The following SDK1 variants were observed in gnomAD, a reference collection of about 807,000 sequenced individuals.
SDK1 encodes the protein protein sidekick-1.
Under a neutral mutation model 245.5 loss-of-function variants are expected in SDK1, and 157 were observed. The observed-to-expected ratio is 0.64, with a 90% CI of 0.56 to 0.73. The LOEUF (loss-of-function observed/expected upper bound fraction) is 0.73. SDK1 is among the 30% of genes least tolerant of loss of function. SDK1 has a pLI of 0.00. For missense variants in SDK1, 3,583 were observed against 3,002.3 expected (o/e 1.19, Z -4.52); for synonymous variants, 1,647 against 1,278.5 (o/e 1.29, Z -6.15).
At chr7:3,491,906 C>G (rs947242393) in intron 1 of SDK1, among the ~76,000 whole-genome samples, 1 of 152,108 alleles carries the variant, frequency 6.6e-6, no homozygotes, top group Non-Finnish European at 1.5e-5. Context: ...ACATTGGTAA[C>G]AGTATATTGA....
At chr7:4,175,624 G>T in intron 33 of SDK1, 151 bp from the exon 34 acceptor site, 2 of 715,984 alleles carry the variant, frequency 2.8e-6, no homozygotes, top group South Asian at 1.6e-5. Context: ...AGCTTGGGCG[G>T]TAGCGGGGTC....
chr7:4,178,358 T>C, intron 34 of SDK1, 127 bp from the exon 35 acceptor site: 1 of 731,234 alleles, frequency 1.4e-6, no homozygotes, highest in Non-Finnish European at 2.4e-6. Flanking sequence ...ATTTCACAGA[T>C]TTCTAACAAT....
chr7:4,015,808 C>T (rs769488286), intron 16 of SDK1, among the ~76,000 whole-genome samples: 1 of 152,210 alleles, frequency 6.6e-6, no homozygotes, highest in Non-Finnish European at 1.5e-5. Flanking sequence ...AGGCCCGGTA[C>T]CTTCTTGCTA....
chr7:3,806,195 A>T (rs563222331), intron 4 of SDK1, among the ~76,000 whole-genome samples: 7 of 152,334 alleles, frequency 4.6e-5, no homozygotes, highest in African/African-American at 1.7e-4. Context: ...ACTCACCCAA[A>T]TAATCCAAGA....
At chr7:3,330,228 C>T (rs1035150894) in intron 1 of SDK1, among the ~76,000 whole-genome samples, 1 of 152,178 alleles carries the variant, frequency 6.6e-6, no homozygotes, top group Non-Finnish European at 1.5e-5. Context: ...ATTGCTGGGT[C>T]ATATAGTAAC....
chr7:3,916,720 A>G (rs768432823), intron 5 of SDK1, among the ~76,000 whole-genome samples: 36 of 152,192 alleles, frequency 2.4e-4, no homozygotes, highest in Non-Finnish European at 4.4e-4. Context: ...ATAATTATGT[A>G]TTAGAGAAAT....
chr7:3,962,630 A>G (rs1469837410), intron 8 of SDK1, 27 bp from the exon 9 acceptor site: 1 of 1,547,060 alleles, frequency 6.5e-7, no homozygotes, highest in African/African-American at 1.4e-5. Flanking sequence ...TATTTTTAAA[A>G]TCCTATTTAT....
In SDK1 at chr7:4,268,549, G is replaced by A. The variant is rs117603586; in HGVS notation, c.*3165G>A. On this transcript the variant is annotated 3_prime_UTR_variant, in exon 45 of 45. Coordinates refer to ENST00000404826, the MANE Select transcript of SDK1 (RefSeq NM_152744.4). ...ACACGGAACGCGCCTCCACAGCCCC[G>A]GGAGGTGGCTCACTCTGTACAGGTC... The A allele has an allele frequency of 0.023, 29,378 of 1,291,348 alleles. 799 individuals are homozygous for A. The highest frequency in any genetic ancestry group is 0.11 in the South Asian group (8,234 of 76,306). The allele number at this position is 1,291,348 out of a possible 1,614,324, so 80.0% of individuals were successfully genotyped here.
chr7:3,787,472 C>T (rs1780939920), intron 4 of SDK1, among the ~76,000 whole-genome samples: 2 of 152,004 alleles, frequency 1.3e-5, no homozygotes, highest in Non-Finnish European at 2.9e-5. Context: ...AGAGATGAAC[C>T]TGTGTAAAAA....
chr7:4,129,767 C>T (rs1784668695), intron 26 of SDK1, 141 bp from the exon 27 acceptor site: 1 of 1,474,966 alleles, frequency 6.8e-7, no homozygotes, highest in Non-Finnish European at 8.9e-7. Flanking sequence ...AAATTAGATC[C>T]AGAAGCCCTG....
chr7:3,658,127 C>T lies in SDK1; in HGVS notation c.713+16022C>T, dbSNP rs546541446. Among the ~76,000 whole-genome samples, 3 of 152,314 alleles carry T rather than the reference C, an allele frequency of 2.0e-5. No homozygotes were observed. The South Asian group carries it at 6.2e-4, about 32-fold the overall frequency. On this transcript the variant is annotated intron_variant, in intron 4 of 44. Coordinates refer to ENST00000404826, the MANE Select transcript of SDK1 (RefSeq NM_152744.4). ...GGTGATAACACCCTGGCTTGCCCGC[C>T]TCACAGGACTTTTACTTTGGTGCGT...
intron 22 of SDK1, among the ~76,000 whole-genome samples, chr7:4,103,467 G>A (rs945037577): frequency 5.9e-5 from 9 of 152,012 alleles, no homozygotes; most frequent in African/African-American, 7.2e-5. Flanking sequence ...TGTCTCTCAC[G>A]AAAAAAGAGT....
chr7:3,855,996 G>T (rs1780535951), intron 5 of SDK1, among the ~76,000 whole-genome samples: 1 of 152,110 alleles, frequency 6.6e-6, no homozygotes, highest in Admixed American at 6.5e-5. Context: ...AGAATTTACT[G>T]AAACTTACTG....
At chr7:3,457,100 G>T (rs892185755) in intron 1 of SDK1, among the ~76,000 whole-genome samples, 1 of 152,172 alleles carries the variant, frequency 6.6e-6, no homozygotes, top group Non-Finnish European at 1.5e-5. Flanking sequence ...TGTCAGTGCG[G>T]TTCTCTGTTG....
In SDK1 at chr7:3,461,058, G is replaced by GT. The variant is rs570887763; in HGVS notation, c.299-158017dup. Among the ~76,000 whole-genome samples, 10 of 152,268 alleles carry GT rather than the reference G, an allele frequency of 6.6e-5. No individual in the cohort carries two copies. In the East Asian group the frequency reaches 1.5e-3, roughly 23 times the overall value. On this transcript the variant is annotated intron_variant, in intron 1 of 44. Coordinates refer to ENST00000404826, the MANE Select transcript of SDK1 (RefSeq NM_152744.4). The stretch of plus-strand genomic sequence containing the variant: ...TTAACGGGATTTTACACATTTTCGT[G>GT]TTTTTGAGGGCTTGTAAGGTTTCAG...
At chr7:4,243,680 C>G (rs1786665955) in intron 43 of SDK1, among the ~76,000 whole-genome samples, 1 of 152,158 alleles carries the variant, frequency 6.6e-6, no homozygotes, top group Non-Finnish European at 1.5e-5. Context: ...CCCCATGATT[C>G]AAGTACCTCC....
chr7:4,003,196 A>C (rs1785203025), intron 14 of SDK1, among the ~76,000 whole-genome samples: 1 of 152,214 alleles, frequency 6.6e-6, no homozygotes, highest in Non-Finnish European at 1.5e-5. Context: ...TCTCATGCAA[A>C]ACACATGACC....
chr7:4,033,969 C>T (rs10237319), intron 17 of SDK1, among the ~76,000 whole-genome samples: 37,016 of 151,942 alleles, frequency 0.24, 6,223 homozygotes, highest in African/African-American at 0.49. Context: ...GGAAAAAAAA[C>T]GGAGTAACTC....
intron 2 of SDK1, among the ~76,000 whole-genome samples, chr7:3,621,158 T>C (rs907220375): frequency 2.6e-5 from 4 of 152,142 alleles, no homozygotes; most frequent in African/African-American, 9.7e-5. Flanking sequence ...TTATACATTA[T>C]TACCATGTGA....
Sources: allele counts gnomAD v4.1 joint callset (sites outside exome capture counted in the v4.1 genomes callset), GRCh38; gene constraint gnomAD v4.1.1; transcripts MANE v1.5; gene names NCBI Gene and HGNC (gene_info 2026-07-23, HGNC 2026-07-21).